Variants in SH3GL2 observed in about 807,000 individuals in gnomAD.
SH3GL2 encodes the protein SH3 domain containing GRB2 like 2, endophilin A1.
SH3GL2 carries 24 observed loss-of-function variants against 46.0 expected under a neutral mutation model. The observed-to-expected ratio is 0.52, with a 90% CI of 0.38 to 0.73. SH3GL2 has a LOEUF of 0.73. SH3GL2 is among the 30% of genes least tolerant of loss of function. The pLI, the probability that SH3GL2 is intolerant of heterozygous loss-of-function variation, is 0.00. For synonymous variants in SH3GL2, 196 were observed against 147.1 expected (o/e 1.33, Z -2.40); for missense variants, 413 against 424.2 (o/e 0.97, Z 0.23).
At chr9:17,616,913 A>G (rs182985756) in intron 1 of SH3GL2, among the ~76,000 whole-genome samples, 2 of 151,840 alleles carry the variant, frequency 1.3e-5, no homozygotes, top group African/African-American at 4.8e-5. Flanking sequence ...TCTGAATTCT[A>G]CTCCTTCCCC....
At chr9:17,698,097 C>T (rs1478747216) in intron 1 of SH3GL2, among the ~76,000 whole-genome samples, 1 of 152,096 alleles carries the variant, frequency 6.6e-6, no homozygotes, top group African/African-American at 2.4e-5. Context: ...GGTGATCCTG[C>T]TGATTTTAGA....
intron 2 of SH3GL2, among the ~76,000 whole-genome samples, chr9:17,757,088 A>G (rs1823017347): frequency 6.6e-6 from 1 of 152,108 alleles, no homozygotes; most frequent in Non-Finnish European, 1.5e-5. Flanking sequence ...GATGATGAGC[A>G]TTTTTCCATA....
At chr9:17,614,295 G>GAACAA (rs1818936678) in intron 1 of SH3GL2, among the ~76,000 whole-genome samples, 1 of 70,302 alleles carries the variant, frequency 1.4e-5, no homozygotes, top group Non-Finnish European at 2.5e-5. Context: ...CATGGTTTCT[G>GAACAA]AAAAAAAAAA....
In SH3GL2 at chr9:17,605,186, C is replaced by T. The variant is rs181870204; in HGVS notation, c.45+25899C>T. 4.7e-4 allele frequency among the ~76,000 whole-genome samples: 72 copies of T among 152,014 alleles called. 2 individuals are homozygous for T. The highest frequency in any genetic ancestry group is 1.7e-3 in the African/African-American group (72 of 41,422). On this transcript the variant is annotated intron_variant, in intron 1 of 8. Transcript: ENST00000380607. ...TAGAGATGGGGTCTTTCTGTGTTGC[C>T]CAGGCTTGTCTTGAACACCTGGCCT...
intron 1 of SH3GL2, among the ~76,000 whole-genome samples, chr9:17,672,700 A>G (rs1249091387): frequency 6.6e-6 from 1 of 152,174 alleles, no homozygotes; most frequent in African/African-American, 2.4e-5. Context: ...ACAGAGTAAC[A>G]CACTCTGTAT....
chr9:17,719,730 C>A (rs1821846019), intron 1 of SH3GL2, among the ~76,000 whole-genome samples: 1 of 150,798 alleles, frequency 6.6e-6, no homozygotes, highest in South Asian at 2.1e-4. Flanking sequence ...AAGTTAGAAG[C>A]TGCAGTGAGC....
intron 1 of SH3GL2, among the ~76,000 whole-genome samples, chr9:17,597,259 C>T (rs1026703241): frequency 6.6e-5 from 10 of 152,176 alleles, no homozygotes; most frequent in African/African-American, 1.2e-4. Context: ...CAGTGGCTCA[C>T]GCCTGTAATC....
intron 3 of SH3GL2, among the ~76,000 whole-genome samples, chr9:17,773,138 G>T (rs1823538829): frequency 1.3e-5 from 2 of 152,028 alleles, no homozygotes; most frequent in African/African-American, 2.4e-5. Flanking sequence ...GTCTTCTTTG[G>T]GGAAATGTCA....
intron 1 of SH3GL2, among the ~76,000 whole-genome samples, chr9:17,732,094 G>A (rs558926500): frequency 6.6e-6 from 1 of 152,220 alleles, no homozygotes; most frequent in African/African-American, 2.4e-5. Context: ...GTGTTGAGTA[G>A]GCCAACTCAC....
chr9:17,628,719 T>G (rs963399343), intron 1 of SH3GL2, among the ~76,000 whole-genome samples: 2 of 152,130 alleles, frequency 1.3e-5, no homozygotes, highest in African/African-American at 4.8e-5. Context: ...GGTAGATTTT[T>G]TTCTAGCTCA....
chr9:17,708,609 C>T (rs765552743), intron 1 of SH3GL2, among the ~76,000 whole-genome samples: 1 of 151,886 alleles, frequency 6.6e-6, no homozygotes, highest in Non-Finnish European at 1.5e-5. Context: ...CCATGAACAC[C>T]TGGTCAGGTG....
At chr9:17,733,093 G>GT (rs1822226788) in intron 1 of SH3GL2, among the ~76,000 whole-genome samples, 1 of 152,030 alleles carries the variant, frequency 6.6e-6, no homozygotes, top group Non-Finnish European at 1.5e-5. Flanking sequence ...CAAATCATAA[G>GT]TTTAATTCTA....
At chr9:17,705,061 C>A (rs559743441) in intron 1 of SH3GL2, among the ~76,000 whole-genome samples, 4 of 151,296 alleles carry the variant, frequency 2.6e-5, no homozygotes, top group East Asian at 3.9e-4. Context: ...AAAAAAAAAC[C>A]CCATTAAAAA....
chr9:17,653,393 C>G (rs1563799003), intron 1 of SH3GL2, among the ~76,000 whole-genome samples: 1 of 152,144 alleles, frequency 6.6e-6, no homozygotes, highest in African/African-American at 2.4e-5. Context: ...CTTCTAGCCT[C>G]CAGATTTTTT....
At chr9:17,682,497 T>A (rs914046340) in intron 1 of SH3GL2, among the ~76,000 whole-genome samples, 27 of 151,618 alleles carry the variant, frequency 1.8e-4, no homozygotes, top group African/African-American at 6.5e-4. Context: ...TAAGTGCGAG[T>A]TGAACATAGA....
At chr9:17,751,442 C>T (rs1822839766) in intron 2 of SH3GL2, among the ~76,000 whole-genome samples, 1 of 150,946 alleles carries the variant, frequency 6.6e-6, no homozygotes, top group African/African-American at 2.5e-5. Flanking sequence ...TTTTGGCTAT[C>T]AAAGCTGGGT....
chr9:17,733,445 G>A (rs1395217442), intron 1 of SH3GL2, among the ~76,000 whole-genome samples: 3 of 151,774 alleles, frequency 2.0e-5, no homozygotes, highest in Non-Finnish European at 2.9e-5. Flanking sequence ...AGTTAGAATG[G>A]CAATCATTAA....
At chr9:17,666,630 C>G (rs1320719049) in intron 1 of SH3GL2, among the ~76,000 whole-genome samples, 1 of 151,346 alleles carries the variant, frequency 6.6e-6, no homozygotes, top group Non-Finnish European at 1.5e-5. Flanking sequence ...CATTCTCATT[C>G]ATCCTAACAG....
intron 1 of SH3GL2, among the ~76,000 whole-genome samples, chr9:17,643,144 G>A (rs10963184): frequency 0.014 from 2,194 of 152,168 alleles, 31 homozygotes; most frequent in Non-Finnish European, 0.021. Flanking sequence ...TATTCTCTTT[G>A]TAGCAATTGT....
Sources: gnomAD v4.1 joint callset for allele counts (sites outside exome capture counted in the v4.1 genomes callset) on GRCh38, gnomAD v4.1.1 for gene constraint, MANE v1.5 for transcripts, NCBI Gene and HGNC (gene_info 2026-07-23, HGNC 2026-07-21) for gene names.